Variants in TMEM230 observed in about 807,000 individuals in gnomAD.
TMEM230 encodes the protein transmembrane protein 230.
Under a neutral mutation model 15.8 loss-of-function variants are expected in TMEM230, and 10 were observed. That is an observed-to-expected ratio of 0.63 (90% CI 0.39 to 1.07). The LOEUF (loss-of-function observed/expected upper bound fraction) is 1.07. Ranked by LOEUF, TMEM230 falls within the 50% of genes least tolerant of loss-of-function variation. The pLI is 0.01. For synonymous variants in TMEM230, 67 were observed against 76.9 expected (o/e 0.87, Z 0.68); for missense variants, 165 against 193.3 (o/e 0.85, Z 0.87).
chr20:5,088,003 T>A (rs374032203), intron 3 of TMEM230, among the ~76,000 whole-genome samples: 32 of 113,444 alleles, frequency 2.8e-4, no homozygotes, highest in East Asian at 2.1e-3. Context: ...AGGATATACC[T>A]AAAAAAAAAA....
chr20:5,090,736 C>T (rs1294145641), intron 3 of TMEM230, among the ~76,000 whole-genome samples: 1 of 151,702 alleles, frequency 6.6e-6, no homozygotes, highest in Admixed American at 6.6e-5. Context: ...TTGATCCAAC[C>T]AAAATGACAC....
chr20:5,073,905 C>T (rs1385449496), intron 3 of TMEM230, among the ~76,000 whole-genome samples: 5 of 152,172 alleles, frequency 3.3e-5, no homozygotes, highest in Admixed American at 3.3e-4. Context: ...GTTCTGCAAG[C>T]TCTACAGGAA....
In TMEM230 at chr20:5,109,411, T is replaced by A; in HGVS notation, c.209A>T (p.Asn70Ile). Residue 70 changes from asparagine (N) to isoleucine (I), a missense_variant, in exon 3 of 5, where the codon AAC becomes ATC. By Grantham distance (149) the Asn-to-Ile change is moderately radical. Transcript: ENST00000342308. The stretch of plus-strand genomic sequence containing the variant: ...ACTACTGGGGATTCCAGTAGCCAGG[T>A]TGGTACGGGACGGCATCATAACACG... 4 of 1,613,886 alleles carry A rather than the reference T, an allele frequency of 2.5e-6. No individual in the cohort carries two copies. The highest frequency in any genetic ancestry group is 3.4e-6 in the Non-Finnish European group (4 of 1,179,848).
chr20:5,062,579 AACCCTGTCTCT>A, the TMEM230 span, among the ~76,000 whole-genome samples: 1 of 152,002 alleles, frequency 6.6e-6, no homozygotes, highest in Non-Finnish European at 1.5e-5. Context: ...AACATGGCGA[AACCCTGTCTCT>A]ACTAAAAACA....
chr20:5,075,854 C>T (rs1276384847), intron 3 of TMEM230, among the ~76,000 whole-genome samples: 1 of 151,754 alleles, frequency 6.6e-6, no homozygotes, highest in African/African-American at 2.4e-5. Flanking sequence ...GGTTTAGTGG[C>T]TTACACTTGG....
At chr20:5,083,037 C>T (rs2089229672) in intron 3 of TMEM230, among the ~76,000 whole-genome samples, 1 of 151,604 alleles carries the variant, frequency 6.6e-6, no homozygotes. Flanking sequence ...AAGCGATTCT[C>T]CTGCCTCAGC....
In TMEM230 at chr20:5,105,244, C is replaced by T. The variant is rs918086816; in HGVS notation, c.411+944G>A. Among the ~76,000 whole-genome samples, 5 of 152,162 alleles carry T rather than the reference C, an allele frequency of 3.3e-5. No homozygotes were observed. In the East Asian group the frequency reaches 7.7e-4, roughly 23 times the overall value. ...GAGTTTGCAGTGAGCTGAGATCCTGCCACTGCACTCCAGCCTGGGTGACAG... is the reference window on the plus strand; with the variant it reads ...GAGTTTGCAGTGAGCTGAGATCCTGTCACTGCACTCCAGCCTGGGTGACAG... On this transcript the variant is annotated intron_variant, in intron 4 of 4. Coordinates refer to ENST00000342308, the MANE Select transcript of TMEM230 (RefSeq NM_001009923.2).
At chr20:5,069,750 C>A (rs1470160753) in intron 3 of TMEM230, among the ~76,000 whole-genome samples, 2 of 151,992 alleles carry the variant, frequency 1.3e-5, no homozygotes, top group Non-Finnish European at 2.9e-5. Context: ...CCCTCTGTTA[C>A]CTAGGCTGGA....
At chr20:5,099,220 A>C (rs925944306), downstream of TMEM230, among the ~76,000 whole-genome samples, 2,678 of 105,468 alleles carry the variant, frequency 0.025, 80 homozygotes, top group African/African-American at 0.095. Flanking sequence ...ATAAATAAAT[A>C]AATAAATAAA....
At chr20:5,090,253 T>C (rs527820805) in intron 3 of TMEM230, among the ~76,000 whole-genome samples, 74 of 152,218 alleles carry the variant, frequency 4.9e-4, no homozygotes, top group Non-Finnish European at 7.8e-4. Context: ...GTTTCCAGAC[T>C]GAAAGGGCCA....
chr20:5,092,121 A>T (rs1012122838), intron 3 of TMEM230, among the ~76,000 whole-genome samples: 1 of 152,176 alleles, frequency 6.6e-6, no homozygotes, highest in Non-Finnish European at 1.5e-5. Flanking sequence ...GCAAAGTCGT[A>T]ATCTCCACAC....
At chr20:5,093,169 A>G (rs1480734850) in intron 3 of TMEM230, among the ~76,000 whole-genome samples, 2 of 152,266 alleles carry the variant, frequency 1.3e-5, no homozygotes, top group Non-Finnish European at 2.9e-5. Context: ...TATAAAAATC[A>G]GTAGTGTTTC....
intron 4 of TMEM230, among the ~76,000 whole-genome samples, chr20:5,101,473 G>A (rs2089860604): frequency 6.6e-6 from 1 of 151,926 alleles, no homozygotes. Flanking sequence ...TCGGGCTGGA[G>A]TACAGTGGTG....
At chr20:5,064,313 A>C (rs925352098), downstream of TMEM230, among the ~76,000 whole-genome samples, 1 of 150,998 alleles carries the variant, frequency 6.6e-6, no homozygotes, top group African/African-American at 2.4e-5. Context: ...GCAGTGGCTC[A>C]CGCCTGTAAT....
At chr20:5,107,200 G>A (rs551304136) in intron 3 of TMEM230, among the ~76,000 whole-genome samples, 2 of 152,174 alleles carry the variant, frequency 1.3e-5, no homozygotes, top group African/African-American at 2.4e-5. Context: ...TACTTGGGAC[G>A]CTAAGCTGGG....
intron 4 of TMEM230, among the ~76,000 whole-genome samples, chr20:5,105,054 G>A (rs1054818976): frequency 1.3e-5 from 2 of 152,214 alleles, no homozygotes; most frequent in Non-Finnish European, 2.9e-5. Context: ...GGAGGCCCAC[G>A]CGGGCAGGCC....
chr20:5,089,127 C>T (rs2089437901), intron 3 of TMEM230, among the ~76,000 whole-genome samples: 1 of 152,200 alleles, frequency 6.6e-6, no homozygotes, highest in Admixed American at 6.5e-5. Flanking sequence ...GCAATCCCAG[C>T]ACTTTGCAGG....
chr20:5,100,551 C>T lies in TMEM230; in HGVS notation c.*240G>A. ...CCATTACAGAATAACCTCTATTCTT[C>T]CATGATACATATTCCTGTGGAAAAA... On this transcript the variant is annotated 3_prime_UTR_variant, in exon 5 of 5. Coordinates refer to ENST00000342308, the MANE Select transcript of TMEM230 (RefSeq NM_001009923.2). The T allele has an allele frequency of 7.8e-7, 1 of 1,286,878 alleles. No individual in the cohort carries two copies. The highest frequency in any genetic ancestry group is 9.9e-7 in the Non-Finnish European group (1 of 1,013,926). The allele number at this position is 1,286,878 out of a possible 1,614,324, so 79.7% of individuals were successfully genotyped here.
intron 3 of TMEM230, among the ~76,000 whole-genome samples, chr20:5,091,624 T>C (rs1474400196): frequency 6.6e-6 from 1 of 152,204 alleles, no homozygotes; most frequent in Non-Finnish European, 1.5e-5. Flanking sequence ...CATTTATTAA[T>C]ATTACTTATT....
Sources: allele counts gnomAD v4.1 joint callset (sites outside exome capture counted in the v4.1 genomes callset), GRCh38; gene constraint gnomAD v4.1.1; transcripts MANE v1.5; gene names NCBI Gene and HGNC (gene_info 2026-07-23, HGNC 2026-07-21).